Variants in CREB3L2 observed in about 807,000 individuals in gnomAD.
The protein encoded by CREB3L2 is cAMP responsive element binding protein 3 like 2, also known as cyclic AMP-responsive element-binding protein 3-like protein 2.
Under a neutral mutation model 57.2 loss-of-function variants are expected in CREB3L2, and 23 were observed. That is an observed-to-expected ratio of 0.40 (90% CI 0.29 to 0.57). The LOEUF (loss-of-function observed/expected upper bound fraction) is 0.57, where lower values mean the gene tolerates loss of function less well. Among genes scored for constraint, CREB3L2 ranks in the 20% least tolerant of loss-of-function variants. CREB3L2 has a pLI of 0.42. For synonymous variants in CREB3L2, 268 were observed against 265.1 expected (o/e 1.01, Z -0.11); for missense variants, 628 against 634.7 (o/e 0.99, Z 0.11).
At chr7:137,893,212 C>A (rs1471955911) in intron 8 of CREB3L2, among the ~76,000 whole-genome samples, 3 of 152,170 alleles carry the variant, frequency 2.0e-5, no homozygotes, top group Non-Finnish European at 4.4e-5. Context: ...CAAACACTGG[C>A]CAAGGAACAA....
At chr7:137,990,706 A>G (rs949600129) in intron 1 of CREB3L2, among the ~76,000 whole-genome samples, 3 of 152,346 alleles carry the variant, frequency 2.0e-5, no homozygotes, top group African/African-American at 4.8e-5. Context: ...GGCCACTGAG[A>G]AAGCATTTTC....
chr7:137,945,292 T>C (rs2117263210), intron 1 of CREB3L2, among the ~76,000 whole-genome samples: 1 of 152,386 alleles, frequency 6.6e-6, no homozygotes, highest in Non-Finnish European at 1.5e-5. Flanking sequence ...TGCACTCCTG[T>C]GTAGTGTTAA....
At chr7:137,950,316 T>G (rs1170255768) in intron 1 of CREB3L2, among the ~76,000 whole-genome samples, 1 of 152,230 alleles carries the variant, frequency 6.6e-6, no homozygotes, top group African/African-American at 2.4e-5. Flanking sequence ...ACTCACACCC[T>G]GGATTTCTCC....
At position 137,885,090 on chromosome 7, in the gene CREB3L2, C is replaced by G. The variant is rs1397463026; in HGVS notation, c.1175G>C (p.Gly392Ala). 1 of 1,614,138 alleles carries G rather than the reference C, an allele frequency of 6.2e-7. No homozygotes were observed. The highest frequency in any genetic ancestry group is 1.1e-5 in the South Asian group (1 of 91,082). ...GGGCCCGTAGCCTTGAAAGAAGCTG[C>G]CGAATGCAACGGCAAAGCACAGCAC... ...VVVLCFAVAF[G>A]SFFQGYGPYP... The change falls in exon 10 of 12, where the codon GGC becomes GCC. Residue 392 changes from glycine (G) to alanine (A), a missense_variant. Transcript: ENST00000330387.
At chr7:137,896,990 CTT>C (rs1163158516) in intron 8 of CREB3L2, among the ~76,000 whole-genome samples, 6 of 152,146 alleles carry the variant, frequency 3.9e-5, no homozygotes, top group Admixed American at 2.0e-4. Context: ...AGAATACAAA[CTT>C]TCAGTTATAA....
intron 1 of CREB3L2, among the ~76,000 whole-genome samples, chr7:137,973,650 C>T (rs1801556087): frequency 6.6e-6 from 1 of 151,158 alleles, no homozygotes; most frequent in South Asian, 2.1e-4. Context: ...ATGCCTAATG[C>T]CACGAGGCAA....
At chr7:137,882,985 C>T (rs1283983445) in intron 10 of CREB3L2, among the ~76,000 whole-genome samples, 1 of 152,128 alleles carries the variant, frequency 6.6e-6, no homozygotes, top group African/African-American at 2.4e-5. Flanking sequence ...GATGTCCAGA[C>T]CCAGCTAAAA....
At chr7:137,962,432 C>T (rs1585661346) in intron 1 of CREB3L2, among the ~76,000 whole-genome samples, 1 of 152,062 alleles carries the variant, frequency 6.6e-6, no homozygotes, top group African/African-American at 2.4e-5. Flanking sequence ...GCCTTCTCAC[C>T]TTGAGCTTCT....
At chr7:137,911,133 G>A (rs914228549) in intron 4 of CREB3L2, among the ~76,000 whole-genome samples, 2 of 152,130 alleles carry the variant, frequency 1.3e-5, no homozygotes, top group African/African-American at 2.4e-5. Flanking sequence ...TTATACAAAC[G>A]AAAGCAATTA....
intron 1 of CREB3L2, among the ~76,000 whole-genome samples, chr7:137,999,489 A>G (rs1042558714): frequency 1.3e-5 from 2 of 152,004 alleles, no homozygotes; most frequent in Non-Finnish European, 2.9e-5. Context: ...TGCTTTATAT[A>G]TTCCACAAAT....
At chr7:137,955,854 C>T (rs1801199916) in intron 1 of CREB3L2, among the ~76,000 whole-genome samples, 1 of 151,978 alleles carries the variant, frequency 6.6e-6, no homozygotes, top group Admixed American at 6.6e-5. Flanking sequence ...TTCATTCATG[C>T]AAAAATTCAA....
chr7:137,911,260 CTAAG>C (rs1799999334), intron 4 of CREB3L2, among the ~76,000 whole-genome samples: 1 of 152,118 alleles, frequency 6.6e-6, no homozygotes, highest in African/African-American at 2.4e-5. Flanking sequence ...GTATTATTTA[CTAAG>C]TATTATTTCA....
intron 2 of CREB3L2, among the ~76,000 whole-genome samples, chr7:137,922,388 A>G (rs1281412039): frequency 0.1 from 1,953 of 19,130 alleles, 89 homozygotes; most frequent in African/African-American, 0.28. Context: ...ATATATGTAT[A>G]TATATATATA....
At chr7:137,958,886 C>A (rs144828686) in intron 1 of CREB3L2, among the ~76,000 whole-genome samples, 2 of 152,226 alleles carry the variant, frequency 1.3e-5, no homozygotes, top group African/African-American at 4.8e-5. Flanking sequence ...AATCCTCTGG[C>A]GCCAACACTT....
chr7:137,971,448 TC>T (rs1801505291), intron 1 of CREB3L2, among the ~76,000 whole-genome samples: 2 of 93,354 alleles, frequency 2.1e-5, no homozygotes. Context: ...AGACTCCGTC[TC>T]AAAAAAAAAA....
chr7:137,891,580 C>CTT (rs112052063), intron 8 of CREB3L2, among the ~76,000 whole-genome samples: 1 of 144,678 alleles, frequency 6.9e-6, no homozygotes, highest in African/African-American at 2.5e-5. Flanking sequence ...GACATACTTT[C>CTT]TTTTTTTTTT....
intron 8 of CREB3L2, among the ~76,000 whole-genome samples, chr7:137,896,288 T>C (rs1286214657): frequency 6.6e-6 from 1 of 152,212 alleles, no homozygotes; most frequent in East Asian, 1.9e-4. Context: ...CCAAAATACA[T>C]TAAAAGCTAC....
chr7:137,995,459 C>T lies in CREB3L2; in HGVS notation c.102+6145G>A, dbSNP rs959159655. Among the ~76,000 whole-genome samples, 7 of 148,872 alleles carry T rather than the reference C, an allele frequency of 4.7e-5. No individual in the cohort carries two copies. The East Asian group carries it at 1.0e-3, about 22-fold the overall frequency. Reference sequence around the variant, plus strand: ...AAGGGATTCTCCTGCCTCAGCCTCCCGAGTAGCTGGGATTACAGGCGCCCG... The same window carrying T: ...AAGGGATTCTCCTGCCTCAGCCTCCTGAGTAGCTGGGATTACAGGCGCCCG... On this transcript the variant is annotated intron_variant, in intron 1 of 11. Transcript: ENST00000330387.
At position 137,878,409 on chromosome 7, in the gene CREB3L2, G is replaced by C. The variant is rs900516252; in HGVS notation, c.*2067C>G. ...CTTTTTGCCTTCTTTGGGCCCTATA[G>C]GCTGCCTATGCCTGATAATGACCTG... On this transcript the variant is annotated 3_prime_UTR_variant, in exon 12 of 12. Transcript: ENST00000330387. 2 of 232,772 alleles carry C rather than the reference G, an allele frequency of 8.6e-6. No homozygotes were observed. The highest frequency in any genetic ancestry group is 1.1e-4 in the Admixed American group (2 of 17,756). The allele number at this position is 232,772 out of a possible 1,614,324, so 14.4% of individuals were successfully genotyped here. A position where few individuals can be genotyped will look rare whatever the true frequency, so the allele number is the denominator to read the frequency against.
Sources: allele counts gnomAD v4.1 joint callset (sites outside exome capture counted in the v4.1 genomes callset), GRCh38; gene constraint gnomAD v4.1.1; transcripts MANE v1.5; gene names NCBI Gene and HGNC (gene_info 2026-07-23, HGNC 2026-07-21).